The following LIN54 variants were observed in gnomAD, a reference collection of about 807,000 sequenced individuals.
The protein encoded by LIN54 is lin-54 DREAM MuvB core complex component.
In LIN54, 9 loss-of-function variants were observed where a neutral mutation model predicts 78.7. The observed-to-expected ratio is 0.11, with a 90% CI of 0.07 to 0.20. The LOEUF is 0.20. Ranked by LOEUF, LIN54 falls within the 10% of genes least tolerant of loss-of-function variation. The pLI, the probability that LIN54 is intolerant of heterozygous loss-of-function variation, is 1.00. For missense variants in LIN54, 573 were observed against 889.9 expected, an observed-to-expected ratio of 0.64 and a Z score of 4.53; for synonymous variants, 269 against 318.4, an observed-to-expected ratio of 0.84 and a Z score of 1.65.
chr4:82,984,998 T>C, intron 1 of LIN54, 122 bp from the exon 2 acceptor site: 1 of 649,462 alleles, frequency 1.5e-6, no homozygotes, highest in Non-Finnish European at 2.6e-6. Flanking sequence ...GAATGAAGAA[T>C]ATTCCTGAAG....
chr4:82,989,902 C>T (rs774109992), intron 1 of LIN54, among the ~76,000 whole-genome samples: 4 of 152,188 alleles, frequency 2.6e-5, no homozygotes, highest in Non-Finnish European at 5.9e-5. Context: ...GCAGCTATAG[C>T]CACATTGCCT....
chr4:82,959,498 A>G (rs1724617453), intron 4 of LIN54, among the ~76,000 whole-genome samples: 1 of 152,202 alleles, frequency 6.6e-6, no homozygotes, highest in Admixed American at 6.6e-5. Flanking sequence ...CAATCTTGGA[A>G]AAAAACAAAA....
intron 4 of LIN54, among the ~76,000 whole-genome samples, chr4:82,952,397 A>G (rs1204469101): frequency 6.6e-6 from 1 of 152,214 alleles, no homozygotes; most frequent in African/African-American, 2.4e-5. Context: ...TTATTAGGGA[A>G]ATACAAGTCA....
chr4:82,938,000 C>T (rs1722529369), intron 8 of LIN54, among the ~76,000 whole-genome samples: 1 of 152,060 alleles, frequency 6.6e-6, no homozygotes, highest in Non-Finnish European at 1.5e-5. Context: ...AGCATGGTGG[C>T]ATGTGCATAG....
chr4:82,972,748 C>T (rs927949970), intron 3 of LIN54, among the ~76,000 whole-genome samples: 7 of 151,902 alleles, frequency 4.6e-5, no homozygotes, highest in African/African-American at 1.5e-4. Flanking sequence ...TTTGGGAGGC[C>T]GAGGCAGGTG....
At chr4:82,990,694 A>G (rs1727611368) in intron 1 of LIN54, among the ~76,000 whole-genome samples, 1 of 152,062 alleles carries the variant, frequency 6.6e-6, no homozygotes, top group African/African-American at 2.4e-5. Context: ...CATGTTAGCC[A>G]GGATGGTCTC....
At chr4:83,007,041 G>A (rs766602910) in intron 1 of LIN54, among the ~76,000 whole-genome samples, 4 of 152,092 alleles carry the variant, frequency 2.6e-5, no homozygotes, top group South Asian at 2.1e-4. Context: ...TCGAGAGGCC[G>A]AGGCAAGAGA....
At chr4:82,962,915 G>T (rs889208083) in intron 4 of LIN54, among the ~76,000 whole-genome samples, 2 of 151,820 alleles carry the variant, frequency 1.3e-5, no homozygotes, top group East Asian at 3.8e-4. Flanking sequence ...TTAAGTTTAA[G>T]AACTATTTGA....
At chr4:82,980,553 A>T (rs1449813705) in intron 2 of LIN54, among the ~76,000 whole-genome samples, 6 of 64,846 alleles carry the variant, frequency 9.3e-5, no homozygotes, top group Non-Finnish European at 1.7e-4. Context: ...AACTGTATAT[A>T]AAATACAAAT....
In LIN54 at chr4:82,931,084, G is replaced by A. The variant is rs1390564329; in HGVS notation, c.1907C>T (p.Pro636Leu). The A allele has an allele frequency of 3.1e-6, 5 of 1,613,954 alleles. No homozygotes were observed. The highest frequency in any genetic ancestry group is 1.7e-5 in the Admixed American group (1 of 60,000). Residue 636 changes from proline (P) to leucine (L), a missense_variant, in exon 12 of 13, where the codon CCG becomes CTG. Pro to Leu is a moderately conservative substitution (Grantham distance 98, BLOSUM62 -3). Transcript: ENST00000340417. ...CIGCKNFEES[P>L]ERKTLMHLAD... ...CAAATGCATCAATGTCTTCCTTTCC[G>A]GGCTTTCTTCAAAATTCTTACAGCC...
At position 82,939,917 on chromosome 4, in the gene LIN54, G is replaced by A; in HGVS notation, c.1214C>T (p.Pro405Leu). 6.2e-7 allele frequency: 1 copy of A among 1,612,358 alleles called. No homozygotes were observed. The highest frequency in any genetic ancestry group is 8.5e-7 in the Non-Finnish European group (1 of 1,179,470). ...TTTGACAGCCTGAGCTGAGACAATTGGAACTGACATCCGCACTGGGGTTGT... is the reference window on the plus strand; with the variant it reads ...TTTGACAGCCTGAGCTGAGACAATTAGAACTGACATCCGCACTGGGGTTGT... ...VNTTPVRMSVPIVSAQAVKQV... is the reference protein window; with the variant it reads ...VNTTPVRMSVLIVSAQAVKQV... Residue 405 changes from proline (P) to leucine (L), a missense_variant, in exon 6 of 13, where the codon CCA becomes CTA. Coordinates refer to ENST00000340417, the MANE Select transcript of LIN54 (RefSeq NM_194282.4).
intron 4 of LIN54, among the ~76,000 whole-genome samples, chr4:82,948,061 A>C (rs1723546827): frequency 6.6e-6 from 1 of 152,222 alleles, no homozygotes; most frequent in Non-Finnish European, 1.5e-5. Flanking sequence ...CATACCAGTG[A>C]ATTAAATGAA....
chr4:82,954,308 G>C (rs1490710324), intron 4 of LIN54, among the ~76,000 whole-genome samples: 1 of 151,576 alleles, frequency 6.6e-6, no homozygotes, highest in East Asian at 1.9e-4. Flanking sequence ...GACCACAAGG[G>C]AAAAAAGACA....
intron 1 of LIN54, among the ~76,000 whole-genome samples, chr4:83,000,260 T>C (rs1728642754): frequency 6.6e-6 from 1 of 152,160 alleles, no homozygotes; most frequent in Non-Finnish European, 1.5e-5. Flanking sequence ...AGACATTTAT[T>C]AGTGAGGCAC....
intron 1 of LIN54, among the ~76,000 whole-genome samples, chr4:82,995,172 T>C (rs886487228): frequency 6.6e-6 from 1 of 151,806 alleles, no homozygotes; most frequent in Non-Finnish European, 1.5e-5. Context: ...TGGTGGGGCA[T>C]GTCTAAAGTC....
At chr4:82,945,891 T>C (rs1300998793) in intron 5 of LIN54, among the ~76,000 whole-genome samples, 2 of 152,214 alleles carry the variant, frequency 1.3e-5, no homozygotes, top group Admixed American at 6.5e-5. Flanking sequence ...CTATTTGTCA[T>C]TTCAACTGAC....
At chr4:83,004,692 T>C (rs1193684421) in intron 1 of LIN54, among the ~76,000 whole-genome samples, 1 of 148,314 alleles carries the variant, frequency 6.7e-6, no homozygotes. Flanking sequence ...AGAGACAAGG[T>C]CTTGCTACGT....
At chr4:82,988,372 CTGAG>C (rs1727354681) in intron 1 of LIN54, among the ~76,000 whole-genome samples, 1 of 152,106 alleles carries the variant, frequency 6.6e-6, no homozygotes, top group Admixed American at 6.6e-5. Flanking sequence ...CTTTTTACTG[CTGAG>C]TAATATTCCA....
At chr4:82,965,462 C>T (rs930088016) in intron 4 of LIN54, among the ~76,000 whole-genome samples, 2 of 152,112 alleles carry the variant, frequency 1.3e-5, no homozygotes, top group South Asian at 2.1e-4. Flanking sequence ...ATGGGAAACA[C>T]CTAGGCTTCC....
Sources: allele counts gnomAD v4.1 joint callset (sites outside exome capture counted in the v4.1 genomes callset), GRCh38; gene constraint gnomAD v4.1.1; transcripts MANE v1.5; gene names NCBI Gene and HGNC (gene_info 2026-07-23, HGNC 2026-07-21).